Variants in VLDLR observed in about 807,000 individuals in gnomAD.
VLDLR encodes very low-density lipoprotein receptor.
In VLDLR, 81 loss-of-function variants were observed where a neutral mutation model predicts 112.7. That is an observed-to-expected ratio of 0.72 (90% CI 0.60 to 0.86). The LOEUF is 0.86. Among genes scored for constraint, VLDLR ranks in the 40% least tolerant of loss-of-function variants. The pLI, the probability that VLDLR is intolerant of heterozygous loss-of-function variation, is 0.00. For synonymous variants in VLDLR, 436 were observed against 384.8 expected, an observed-to-expected ratio of 1.13 and a Z score of -1.56; for missense variants, 1,237 against 1,099.4, an observed-to-expected ratio of 1.13 and a Z score of -1.77.
chr9:2,653,915 C>A lies in VLDLR; in HGVS notation c.*47C>A, dbSNP rs1172417285. 1.9e-6 allele frequency: 3 copies of A among 1,604,268 alleles called. No homozygotes were observed. Among genetic ancestry groups the A allele is most frequent in the Non-Finnish European group, 2.6e-6 (3 of 1,171,156 alleles). On this transcript the variant is annotated 3_prime_UTR_variant, in exon 19 of 19. Transcript: ENST00000382100. ...TTTGAGGTCTAAACAAATAATACCC[C>A]CGTCGGAATGGTAACCGAGCCAGCA...
chr9:2,645,774 T>C (rs1210919422), intron 10 of VLDLR, 29 bp downstream of exon 10: 3 of 1,613,608 alleles, frequency 1.9e-6, no homozygotes, highest in African/African-American at 2.7e-5. Context: ...TGTGGTGTCT[T>C]GACATAAGTC....
chr9:2,639,096 G>C (rs1217801221), intron 2 of VLDLR, among the ~76,000 whole-genome samples: 1 of 150,540 alleles, frequency 6.6e-6, no homozygotes, highest in Non-Finnish European at 1.5e-5. Context: ...CAGTATATTA[G>C]TCAGCTCAGA....
rs1817752392 is a variant in VLDLR at position 2,639,897 on chromosome 9, A to G, written c.241A>G (p.Asn81Asp). ...TCAESDFVCN[N>D]GQCVPSRWKC... ...TGCTGAATCTGACTTCGTGTGCAACAATGGCCAGTGTGTTCCCAGCCGATG... is the reference window on the plus strand; with the variant it reads ...TGCTGAATCTGACTTCGTGTGCAACGATGGCCAGTGTGTTCCCAGCCGATG... Residue 81 changes from asparagine to aspartate, a missense_variant, in exon 3 of 19, where the codon AAT (asparagine) becomes GAT (aspartate). Coordinates refer to ENST00000382100, the MANE Select transcript of VLDLR (RefSeq NM_003383.5). 4 of 1,614,066 alleles carry G rather than the reference A, an allele frequency of 2.5e-6. No homozygotes were observed. The South Asian group carries it at 4.4e-5, about 18-fold the overall frequency.
chr9:2,631,682 G>A (rs1352878861), intron 1 of VLDLR, among the ~76,000 whole-genome samples: 1 of 127,112 alleles, frequency 7.9e-6, no homozygotes, highest in Admixed American at 8.3e-5. Flanking sequence ...GAGAGCAGAT[G>A]AAAGGAAGTG....
intron 3 of VLDLR, 48 bp from the exon 4 acceptor site, chr9:2,641,329 T>C: frequency 6.2e-7 from 1 of 1,613,102 alleles, no homozygotes; most frequent in Non-Finnish European, 8.5e-7. Context: ...GCAGCAGCTT[T>C]GCATTGATCA....
chr9:2,646,124 T>C (rs929843026), intron 10 of VLDLR, among the ~76,000 whole-genome samples: 1 of 151,930 alleles, frequency 6.6e-6, no homozygotes, highest in Non-Finnish European at 1.5e-5. Flanking sequence ...TGTTCTTGTA[T>C]ATAGAATACA....
At chr9:2,622,496 G>T (rs1280474527) in intron 1 of VLDLR, 3 of 447,404 alleles carry the variant, frequency 6.7e-6, no homozygotes, top group Non-Finnish European at 1.2e-5. Flanking sequence ...CCGACGCCTC[G>T]CCTGAACTAG....
chr9:2,633,371 G>A (rs1817454266), intron 1 of VLDLR, among the ~76,000 whole-genome samples: 3 of 152,026 alleles, frequency 2.0e-5, no homozygotes, highest in Admixed American at 2.0e-4. Context: ...TCAGCCTTGG[G>A]ATACTGTATG....
intron 1 of VLDLR, among the ~76,000 whole-genome samples, chr9:2,623,858 C>G (rs1816955065): frequency 6.6e-6 from 1 of 152,154 alleles, no homozygotes. Flanking sequence ...CCTAGAAAAG[C>G]TCTGCTTACA....
At chr9:2,650,062 G>A (rs1315572717) in intron 14 of VLDLR, among the ~76,000 whole-genome samples, 2 of 152,090 alleles carry the variant, frequency 1.3e-5, no homozygotes, top group Non-Finnish European at 2.9e-5. Context: ...GCTAAACCTC[G>A]GGCAAATAGT....
chr9:2,636,799 G>A (rs950145832), intron 2 of VLDLR, among the ~76,000 whole-genome samples: 3 of 152,196 alleles, frequency 2.0e-5, no homozygotes, highest in African/African-American at 7.2e-5. Context: ...TCCTTAGAGA[G>A]TCCTCACTCT....
intron 1 of VLDLR, among the ~76,000 whole-genome samples, chr9:2,626,688 T>C (rs867642410): frequency 1.2e-4 from 19 of 152,240 alleles, no homozygotes; most frequent in Middle Eastern, 3.4e-3. Flanking sequence ...TTTGCCAACT[T>C]GGGGGCCATC....
intron 12 of VLDLR, 39 bp downstream of exon 12, chr9:2,647,631 T>C: frequency 6.6e-7 from 1 of 1,524,004 alleles, no homozygotes; most frequent in Non-Finnish European, 9.1e-7. Flanking sequence ...CACTCAACTA[T>C]CTTCATAGTG....
At chr9:2,641,590 A>G (rs1199925308) in intron 4 of VLDLR, 91 bp downstream of exon 4, 25 of 1,579,114 alleles carry the variant, frequency 1.6e-5, no homozygotes, top group Non-Finnish European at 2.1e-5. Context: ...CTGAAGACGC[A>G]CTGACATTGA....
At chr9:2,640,431 G>A (rs1041180473) in intron 3 of VLDLR, among the ~76,000 whole-genome samples, 3 of 152,160 alleles carry the variant, frequency 2.0e-5, no homozygotes, top group African/African-American at 7.2e-5. Flanking sequence ...GTAATTGGGT[G>A]ATATAGTGAC....
chr9:2,651,349 C>A (rs1407871345), intron 15 of VLDLR, 66 bp from the exon 16 acceptor site: 2 of 1,416,114 alleles, frequency 1.4e-6, no homozygotes, highest in African/African-American at 2.8e-5. Flanking sequence ...CATGGCTTGT[C>A]TGGACAAAAC....
At chr9:2,648,149 T>G (rs1278559954) in intron 12 of VLDLR, 59 bp from the exon 13 acceptor site, 8 of 1,607,168 alleles carry the variant, frequency 5.0e-6, no homozygotes, top group Non-Finnish European at 6.8e-6. Flanking sequence ...TTAGATATTT[T>G]TAATGGAAGC....
intron 10 of VLDLR, 93 bp downstream of exon 10, chr9:2,645,838 C>A: frequency 2.1e-6 from 3 of 1,422,426 alleles, no homozygotes; most frequent in South Asian, 1.2e-5. Context: ...TCTTTTGTGT[C>A]TAGCCCCATC....
At chr9:2,627,338 G>C (rs1170090242) in intron 1 of VLDLR, among the ~76,000 whole-genome samples, 2 of 152,178 alleles carry the variant, frequency 1.3e-5, no homozygotes, top group Non-Finnish European at 2.9e-5. Flanking sequence ...CTACAAAAGT[G>C]ATATGACTAA....
Sources: allele counts gnomAD v4.1 joint callset (sites outside exome capture counted in the v4.1 genomes callset), GRCh38; gene constraint gnomAD v4.1.1; transcripts MANE v1.5; gene names NCBI Gene and HGNC (gene_info 2026-07-23, HGNC 2026-07-21).